Variants in PDZD8 observed in about 807,000 individuals in gnomAD.
PDZD8 encodes the protein PDZ domain containing 8.
In PDZD8, 14 loss-of-function variants were observed where a neutral mutation model predicts 85.8. The ratio of observed to expected loss-of-function variants is 0.16; its 90% CI spans 0.11 to 0.26. The LOEUF (loss-of-function observed/expected upper bound fraction) is 0.26. PDZD8 is among the 10% of genes least tolerant of loss of function. PDZD8 has a pLI of 1.00. For missense variants in PDZD8, 1,197 were observed against 1,424.3 expected (o/e 0.84, Z 2.57); for synonymous variants, 592 against 568.6 (o/e 1.04, Z -0.59).
chr10:117,315,283 A>C (rs1328253029), intron 3 of PDZD8, among the ~76,000 whole-genome samples: 1 of 152,000 alleles, frequency 6.6e-6, no homozygotes, highest in African/African-American at 2.4e-5. Flanking sequence ...AGAGAACAAA[A>C]CTTTTATTAA....
At chr10:117,307,227 C>G (rs184626491) in intron 3 of PDZD8, among the ~76,000 whole-genome samples, 4 of 142,912 alleles carry the variant, frequency 2.8e-5, no homozygotes, top group Admixed American at 2.2e-4. Flanking sequence ...CTTTTGTAGT[C>G]TTCTTTATAG....
intron 3 of PDZD8, among the ~76,000 whole-genome samples, chr10:117,290,830 T>C (rs189349642): frequency 1.4e-4 from 22 of 151,780 alleles, no homozygotes; most frequent in African/African-American, 4.8e-4. Context: ...ATTCATAATA[T>C]GTGCTTTGGA....
At chr10:117,322,458 T>G (rs1589565218) in intron 2 of PDZD8, among the ~76,000 whole-genome samples, 1 of 152,148 alleles carries the variant, frequency 6.6e-6, no homozygotes, top group East Asian at 1.9e-4. Flanking sequence ...ATCTGTGCTG[T>G]GAGAAGGCAC....
At position 117,375,084 on chromosome 10, in the gene PDZD8, G is replaced by T; in HGVS notation, c.144C>A (p.Ile48=). The T allele has an allele frequency of 6.3e-7, 1 of 1,599,952 alleles. No individual in the cohort carries two copies. Among genetic ancestry groups the T allele is most frequent in the Non-Finnish European group, 8.5e-7 (1 of 1,177,288 alleles). The change falls in exon 1 of 5, where the codon ATC becomes ATA. Residue 48 remains isoleucine (I), a synonymous_variant. Coordinates refer to ENST00000334464, the MANE Select transcript of PDZD8 (RefSeq NM_173791.5). ...TTAGGAGCAGGCCCGGCACTGGCTTGATGTAGCGGAAGCCCTCGCCCGCGC... is the reference window on the plus strand; with the variant it reads ...TTAGGAGCAGGCCCGGCACTGGCTTTATGTAGCGGAAGCCCTCGCCCGCGC... The part of the protein sequence containing the change: ...AARAGEGFRY[I]KPVPGLLLRE...
chr10:117,290,469 G>A, intron 3 of PDZD8, 121 bp from the exon 4 acceptor site: 4 of 618,642 alleles, frequency 6.5e-6, no homozygotes, highest in Non-Finnish European at 7.8e-6. Flanking sequence ...TTTCTATCAT[G>A]GCAAATAAAG....
intron 2 of PDZD8, among the ~76,000 whole-genome samples, chr10:117,339,362 G>A (rs917812121): frequency 6.6e-6 from 1 of 152,164 alleles, no homozygotes; most frequent in African/African-American, 2.4e-5. Flanking sequence ...ATGATCAGGA[G>A]ATACATTAAG....
intron 1 of PDZD8, among the ~76,000 whole-genome samples, chr10:117,359,191 G>A (rs1400530881): frequency 6.6e-6 from 1 of 151,764 alleles, no homozygotes; most frequent in African/African-American, 2.4e-5. Context: ...GAGGTAAGTG[G>A]ATGGATTGAG....
intron 1 of PDZD8, among the ~76,000 whole-genome samples, chr10:117,370,825 C>G (rs534057184): frequency 5.2e-4 from 79 of 152,198 alleles, no homozygotes; most frequent in African/African-American, 1.7e-3. Context: ...ATACTCTTCT[C>G]AAGAGTTCTA....
In PDZD8 at chr10:117,280,499, C is replaced by T. The variant is rs1390076449; in HGVS notation, c.*2769G>A. On this transcript the variant is annotated 3_prime_UTR_variant, in exon 5 of 5. Transcript: ENST00000334464. ...CATTAAATGAAGATATTCTTGTTTT[C>T]TGTGGTAGTCTTTATTATTATTTTT... 2.0e-5 allele frequency: 3 copies of T among 152,098 alleles called. No homozygotes were observed. Among genetic ancestry groups the T allele is most frequent in the Non-Finnish European group, 2.9e-5 (2 of 68,000 alleles). 9.4% of individuals were successfully genotyped at this position (152,098 alleles called of 1,614,324 possible).
In PDZD8 at chr10:117,282,620, A is replaced by G. The variant is rs1393789687; in HGVS notation, c.*648T>C. 2 of 152,204 alleles carry G rather than the reference A, an allele frequency of 1.3e-5. No homozygotes were observed. The highest frequency in any genetic ancestry group is 4.8e-5 in the African/African-American group (2 of 41,450). 9.4% of individuals were successfully genotyped at this position (152,204 alleles called of 1,614,324 possible). ...CTTTAGAAAAAAATTTCACAGAAGC[A>G]TCGAAAGCAAGCAATATATGTAAAA... On this transcript the variant is annotated 3_prime_UTR_variant, in exon 5 of 5. Coordinates refer to ENST00000334464, the MANE Select transcript of PDZD8 (RefSeq NM_173791.5).
chr10:117,290,358 AGG>A lies in PDZD8; in HGVS notation c.1099-12_1099-11del, dbSNP rs780293665. 6.3e-7 allele frequency: 1 copy of A among 1,583,306 alleles called. No individual in the cohort carries two copies. The highest frequency in any genetic ancestry group is 1.1e-5 in the South Asian group (1 of 88,062). On this transcript the variant is annotated splice_polypyrimidine_tract_variant and intron_variant, in intron 3 of 4. Coordinates refer to ENST00000334464, the MANE Select transcript of PDZD8 (RefSeq NM_173791.5). ...CTTTTATTAATTCAACCTTTGATAA[AGG>A]GGAAAAAAATGAAAACTGATTCAAT...
Position 117,351,147 on chromosome 10 carries a change from A to T in PDZD8, c.873-10045T>A, listed in dbSNP as rs112990779. On this transcript the variant is annotated intron_variant, in intron 1 of 4. Transcript: ENST00000334464. ...AGTAATATCTACGAAGCCAGTAGAG[A>T]TCCACCCTATGACTCTGCAATCCTA... Among the ~76,000 whole-genome samples the T allele has an allele frequency of 3.6e-3, 550 of 152,284 alleles. 3 individuals carry two copies. Among genetic ancestry groups the T allele is most frequent in the African/African-American group, 0.013 (521 of 41,554 alleles).
At chr10:117,288,702 T>C (rs565475495) in intron 4 of PDZD8, among the ~76,000 whole-genome samples, 24 of 152,260 alleles carry the variant, frequency 1.6e-4, no homozygotes, top group African/African-American at 4.6e-4. Context: ...AGAGATGGGT[T>C]TCACCATGTT....
Position 117,349,578 on chromosome 10 carries a change from G to A in PDZD8, c.873-8476C>T, listed in dbSNP as rs529251521. Among the ~76,000 whole-genome samples the A allele has an allele frequency of 4.9e-4, 75 of 152,286 alleles. 2 individuals are homozygous for A. The South Asian group carries it at 0.014, about 29-fold the overall frequency. On this transcript the variant is annotated intron_variant, in intron 1 of 4. Coordinates refer to ENST00000334464, the MANE Select transcript of PDZD8 (RefSeq NM_173791.5). ...AACACTTTGGGAGGCTGAGGCAGGC[G>A]ACCTGCTTGAGCTCAGGAGCTCGTG...
In PDZD8 at chr10:117,312,761, A is replaced by T. The variant is rs368371248; in HGVS notation, c.1098+6111T>A. Among the ~76,000 whole-genome samples the T allele has an allele frequency of 9.9e-5, 15 of 151,952 alleles. No individual in the cohort carries two copies. In the East Asian group the frequency reaches 1.9e-3, roughly 20 times the overall value. On this transcript the variant is annotated intron_variant, in intron 3 of 4. Transcript: ENST00000334464. ...TTGTCTTTTCAGCTGAAGAACACTA[A>T]TTTTTTTCCCATCCATTTATCTTTA...
chr10:117,280,376 G>A lies in PDZD8; in HGVS notation c.*2892C>T, dbSNP rs1415006241. 1 of 152,114 alleles carries A rather than the reference G, an allele frequency of 6.6e-6. No individual in the cohort carries two copies. Among genetic ancestry groups the A allele is most frequent in the Admixed American group, 6.5e-5 (1 of 15,270 alleles). 9.4% of individuals were successfully genotyped at this position (152,114 alleles called of 1,614,324 possible). A position where few individuals can be genotyped will look rare whatever the true frequency, so the allele number is the denominator to read the frequency against. ...GGGCAGTCTGCAAAACAGCAATTTT[G>A]TTTAGGAAAAGTGGACTTTGTTATG... On this transcript the variant is annotated 3_prime_UTR_variant, in exon 5 of 5. Transcript: ENST00000334464.
rs1015517050 is a variant in PDZD8 at position 117,278,415 on chromosome 10, G to C, written c.*4853C>G. The C allele has an allele frequency of 2.0e-5, 3 of 152,210 alleles. No individual in the cohort carries two copies. Among genetic ancestry groups the C allele is most frequent in the Non-Finnish European group, 2.9e-5 (2 of 68,028 alleles). The allele number at this position is 152,210 out of a possible 1,614,324, so 9.4% of individuals were successfully genotyped here. A position where few individuals can be genotyped will look rare whatever the true frequency, so the allele number is the denominator to read the frequency against. On this transcript the variant is annotated 3_prime_UTR_variant, in exon 5 of 5. Coordinates refer to ENST00000334464, the MANE Select transcript of PDZD8 (RefSeq NM_173791.5). ...AAATGGAACATCTAAAAATGTATGT[G>C]CTAACTATATCATCCAGTGTGCAGT...
intron 3 of PDZD8, among the ~76,000 whole-genome samples, chr10:117,294,637 G>T (rs940438181): frequency 4.6e-5 from 7 of 152,260 alleles, no homozygotes; most frequent in Admixed American, 3.3e-4. Flanking sequence ...GATAAAAAAT[G>T]TGCGGTATAC....
In PDZD8 at chr10:117,340,988, T is replaced by C. The variant is rs569166318; in HGVS notation, c.987A>G (p.Glu329=). The C allele has an allele frequency of 6.2e-7, 1 of 1,614,068 alleles. No individual in the cohort carries two copies. The highest frequency in any genetic ancestry group is 1.1e-5 in the South Asian group (1 of 91,088). ...TEGRLKVTLL[E]CSRLLIFGSY... ...CAAAACAAAGAACATACCTGCTACA[T>C]TCTAACAACGTAACTTTAAGACGGC... Residue 329 remains glutamate, a synonymous_variant, in exon 2 of 5, where the codon GAA becomes GAG. Transcript: ENST00000334464.
Sources: allele counts gnomAD v4.1 joint callset (sites outside exome capture counted in the v4.1 genomes callset), GRCh38; gene constraint gnomAD v4.1.1; transcripts MANE v1.5; gene names NCBI Gene and HGNC (gene_info 2026-07-23, HGNC 2026-07-21).